Variants in CACNA2D3 observed in about 807,000 individuals in gnomAD.
CACNA2D3 encodes calcium voltage-gated channel auxiliary subunit alpha2delta 3, also known as voltage-dependent calcium channel subunit alpha-2/delta-3.
A neutral mutation model predicts 160.6 loss-of-function variants in CACNA2D3; 60 were observed. The observed-to-expected ratio is 0.37, with a 90% CI of 0.30 to 0.46. The LOEUF is 0.46. Among genes scored for constraint, CACNA2D3 ranks in the 20% least tolerant of loss-of-function variants. The pLI is 1.00. For missense variants in CACNA2D3, 1,205 were observed against 1,365.0 expected (o/e 0.88, Z 1.85); for synonymous variants, 558 against 492.9 (o/e 1.13, Z -1.75).
chr3:54,605,390 A>G (rs968149862), intron 9 of CACNA2D3, among the ~76,000 whole-genome samples: 1 of 152,104 alleles, frequency 6.6e-6, no homozygotes, highest in African/African-American at 2.4e-5. Flanking sequence ...CCCTTATCCT[A>G]TTGTGGACTC....
At chr3:54,681,314 A>G (rs1380777464) in intron 11 of CACNA2D3, among the ~76,000 whole-genome samples, 3 of 143,388 alleles carry the variant, frequency 2.1e-5, no homozygotes, top group Non-Finnish European at 4.5e-5. Flanking sequence ...AGGCAGGCAG[A>G]TCATTTGAGG....
chr3:54,674,694 G>T (rs1482558982), intron 11 of CACNA2D3, among the ~76,000 whole-genome samples: 1 of 152,148 alleles, frequency 6.6e-6, no homozygotes, highest in Non-Finnish European at 1.5e-5. Context: ...TCTGAGGTGG[G>T]TAAAAAGGAA....
chr3:54,476,600 T>C (rs960545407), intron 4 of CACNA2D3, among the ~76,000 whole-genome samples: 3 of 152,208 alleles, frequency 2.0e-5, no homozygotes, highest in Admixed American at 1.3e-4. Flanking sequence ...ATAGCCATTC[T>C]AACGGGTATG....
chr3:54,198,221 T>A (rs1167165934), intron 2 of CACNA2D3, among the ~76,000 whole-genome samples: 1 of 152,246 alleles, frequency 6.6e-6, no homozygotes, highest in East Asian at 1.9e-4. Flanking sequence ...CATCCTCTAA[T>A]AGGCTCCTTG....
chr3:54,217,391 C>T (rs965857636), intron 2 of CACNA2D3, among the ~76,000 whole-genome samples: 1 of 152,152 alleles, frequency 6.6e-6, no homozygotes, highest in African/African-American at 2.4e-5. Context: ...CCATAGTAGG[C>T]TGGACATGAC....
Position 54,330,265 on chromosome 3 carries a change from A to C in CACNA2D3, c.321+9707A>C, listed in dbSNP as rs190963976. Among the ~76,000 whole-genome samples, 3 of 150,550 alleles carry C rather than the reference A, an allele frequency of 2.0e-5. No homozygotes were observed. In the East Asian group the frequency reaches 5.9e-4, roughly 29 times the overall value. Reference sequence around the variant, plus strand: ...GTGTGTGTGTCACTTGGGAAGGAAAATCAGATCCTTGGGAATATACTTAGA... The same window carrying C: ...GTGTGTGTGTCACTTGGGAAGGAAACTCAGATCCTTGGGAATATACTTAGA... On this transcript the variant is annotated intron_variant, in intron 3 of 37. Transcript: ENST00000474759.
intron 11 of CACNA2D3, among the ~76,000 whole-genome samples, chr3:54,694,266 G>A (rs1302763272): frequency 6.6e-6 from 1 of 152,176 alleles, no homozygotes; most frequent in Non-Finnish European, 1.5e-5. Flanking sequence ...TGCTGTACAG[G>A]TTTGCAGCCT....
In CACNA2D3 at chr3:54,393,049, A is replaced by G. The variant is rs577463161; in HGVS notation, c.381+6275A>G. Among the ~76,000 whole-genome samples the G allele has an allele frequency of 2.4e-4, 37 of 152,344 alleles. No homozygotes were observed. In the South Asian group the frequency reaches 7.7e-3, roughly 32 times the overall value. ...ACTAAACAGGGCTGAAGTGCATCAA[A>G]GGAGTAACAGAAGCCCTGTAGACCA... On this transcript the variant is annotated intron_variant, in intron 4 of 37. Transcript: ENST00000474759.
At chr3:54,277,487 A>T (rs1468610850) in intron 2 of CACNA2D3, among the ~76,000 whole-genome samples, 1 of 152,092 alleles carries the variant, frequency 6.6e-6, no homozygotes, top group Non-Finnish European at 1.5e-5. Context: ...ATTGGTCTAT[A>T]TATCTGTTTT....
At chr3:54,478,660 G>GTGTATATATATATATATTGCTATATATA in intron 4 of CACNA2D3, among the ~76,000 whole-genome samples, 413 of 36,368 alleles carry the variant, frequency 0.011, 80 homozygotes, top group African/African-American at 0.024. Context: ...ATATGTGTGT[G>GTGTATATATATATATATTGCTATATATA]TATATATATA....
At chr3:54,347,679 A>T (rs60022864) in intron 3 of CACNA2D3, among the ~76,000 whole-genome samples, 1 of 151,870 alleles carries the variant, frequency 6.6e-6, no homozygotes. Context: ...AAAAAACACC[A>T]TGGGCTCCTT....
chr3:54,134,205 GGCCTTCTGT>G (rs1475678300), intron 2 of CACNA2D3, among the ~76,000 whole-genome samples: 1 of 152,146 alleles, frequency 6.6e-6, no homozygotes, highest in African/African-American at 2.4e-5. Context: ...CTTGTTGCAG[GGCCTTCTGT>G]GCCTTCGGCA....
At chr3:54,969,242 T>G (rs896234923) in intron 28 of CACNA2D3, among the ~76,000 whole-genome samples, 1 of 150,608 alleles carries the variant, frequency 6.6e-6, no homozygotes, top group Admixed American at 6.6e-5. Context: ...CATTACTGTT[T>G]AATGACAACA....
At chr3:54,622,270 G>T (rs969557310) in intron 9 of CACNA2D3, among the ~76,000 whole-genome samples, 5 of 152,134 alleles carry the variant, frequency 3.3e-5, no homozygotes, top group African/African-American at 1.2e-4. Context: ...CCCCAGTTCA[G>T]TTTTTTGTTT....
chr3:54,657,930 C>G (rs1003703679), intron 11 of CACNA2D3, among the ~76,000 whole-genome samples: 1 of 152,058 alleles, frequency 6.6e-6, no homozygotes, highest in Non-Finnish European at 1.5e-5. Flanking sequence ...TCAGGAGACT[C>G]AAGCGGGAGA....
At chr3:54,387,507 C>T (rs1415343326) in intron 4 of CACNA2D3, among the ~76,000 whole-genome samples, 1 of 152,122 alleles carries the variant, frequency 6.6e-6, no homozygotes, top group Non-Finnish European at 1.5e-5. Flanking sequence ...CAAAAATTAG[C>T]TGGGCGTGGT....
chr3:54,608,802 A>T (rs1291166922), intron 9 of CACNA2D3, among the ~76,000 whole-genome samples: 2 of 152,254 alleles, frequency 1.3e-5, no homozygotes, highest in Non-Finnish European at 1.5e-5. Context: ...GAAGAAATGT[A>T]TAACTAGGGA....
intron 6 of CACNA2D3, among the ~76,000 whole-genome samples, chr3:54,563,854 G>A (rs1347372409): frequency 4.6e-5 from 7 of 152,138 alleles, no homozygotes; most frequent in Non-Finnish European, 7.3e-5. Flanking sequence ...TGTTTGCCCC[G>A]CGCACAGCAT....
chr3:54,152,292 C>A (rs551981570), intron 2 of CACNA2D3, among the ~76,000 whole-genome samples: 5 of 152,340 alleles, frequency 3.3e-5, no homozygotes, highest in African/African-American at 7.2e-5. Context: ...CTACACGCCA[C>A]ACCTGTGGAT....
Sources: allele counts gnomAD v4.1 joint callset (sites outside exome capture counted in the v4.1 genomes callset), GRCh38; gene constraint gnomAD v4.1.1; transcripts MANE v1.5; gene names NCBI Gene and HGNC (gene_info 2026-07-23, HGNC 2026-07-21).